Variants in WWP1 observed in about 807,000 individuals in gnomAD.
WWP1 encodes the protein NEDD4-like E3 ubiquitin-protein ligase WWP1.
A neutral mutation model predicts 130.6 loss-of-function variants in WWP1; 49 were observed. The observed-to-expected ratio is 0.38, with a 90% CI of 0.30 to 0.48. The LOEUF (loss-of-function observed/expected upper bound fraction) is 0.48, where lower values mean the gene tolerates loss of function less well. WWP1 is among the 20% of genes least tolerant of loss of function. The pLI, the probability that WWP1 is intolerant of heterozygous loss-of-function variation, is 0.99. For missense variants in WWP1, 809 were observed against 1,100.6 expected, an observed-to-expected ratio of 0.74 and a Z score of 3.75; for synonymous variants, 332 against 367.8, an observed-to-expected ratio of 0.90 and a Z score of 1.11.
chr8:86,419,367 G>A (rs1178149561), intron 9 of WWP1, among the ~76,000 whole-genome samples: 6 of 152,194 alleles, frequency 3.9e-5, no homozygotes, highest in Non-Finnish European at 8.8e-5. Context: ...GCAGTGAGCT[G>A]AGATCACACC....
At chr8:86,418,637 T>G (rs1024858014) in intron 9 of WWP1, among the ~76,000 whole-genome samples, 1 of 152,176 alleles carries the variant, frequency 6.6e-6, no homozygotes, top group African/African-American at 2.4e-5. Flanking sequence ...GACTGAATGT[T>G]TGAGAAACCC....
intron 3 of WWP1, 122 bp downstream of exon 3, chr8:86,374,242 G>A: frequency 1.4e-6 from 1 of 730,604 alleles, no homozygotes; most frequent in Non-Finnish European, 2.2e-6. Context: ...CATATTTGTT[G>A]CAACAAGCCT....
intron 20 of WWP1, among the ~76,000 whole-genome samples, chr8:86,451,194 C>G (rs966123354): frequency 8.6e-6 from 1 of 116,032 alleles, no homozygotes; most frequent in Admixed American, 1.2e-4. Flanking sequence ...ACCAGGCAAC[C>G]GAGTGAGACC....
chr8:86,386,605 G>A (rs1204623340), intron 5 of WWP1, among the ~76,000 whole-genome samples: 5 of 151,828 alleles, frequency 3.3e-5, no homozygotes, highest in African/African-American at 7.3e-5. Context: ...CAACATAAAT[G>A]TACTGAAACT....
chr8:86,408,257 A>G (rs1242259476), intron 8 of WWP1, among the ~76,000 whole-genome samples: 1 of 152,126 alleles, frequency 6.6e-6, no homozygotes, highest in African/African-American at 2.4e-5. Flanking sequence ...ATACTCACTT[A>G]TTATAAAGGC....
At chr8:86,378,659 C>T (rs1398188374) in intron 3 of WWP1, among the ~76,000 whole-genome samples, 3 of 152,098 alleles carry the variant, frequency 2.0e-5, no homozygotes, top group Admixed American at 1.3e-4. Flanking sequence ...TTTATATGTA[C>T]ATTTTGCTAG....
At chr8:86,424,030 C>T (rs1429408843) in intron 9 of WWP1, among the ~76,000 whole-genome samples, 321 of 131,854 alleles carry the variant, frequency 2.4e-3, no homozygotes, top group African/African-American at 8.3e-3. Context: ...CGGGCGGAGA[C>T]GCTCCTCACT....
intron 1 of WWP1, among the ~76,000 whole-genome samples, chr8:86,355,487 T>C (rs55807259): frequency 0.32 from 47,931 of 152,128 alleles, 9,162 homozygotes; most frequent in Middle Eastern, 0.45. Flanking sequence ...TAAGCAAATA[T>C]ACTATTAAAA....
chr8:86,390,639 C>T (rs192754002), intron 5 of WWP1, among the ~76,000 whole-genome samples: 1,900 of 149,894 alleles, frequency 0.013, 48 homozygotes, highest in Non-Finnish European at 0.014. Context: ...ACCGAGATGG[C>T]GGCAGCACAG....
At chr8:86,396,966 G>C (rs1215279347) in intron 5 of WWP1, among the ~76,000 whole-genome samples, 1 of 152,106 alleles carries the variant, frequency 6.6e-6, no homozygotes, top group Non-Finnish European at 1.5e-5. Flanking sequence ...AAGCTCAAGT[G>C]ATCCTCCTGT....
intron 20 of WWP1, 88 bp downstream of exon 20, chr8:86,448,601 A>T: frequency 3.8e-6 from 5 of 1,320,216 alleles, no homozygotes; most frequent in Non-Finnish European, 5.1e-6. Flanking sequence ...TCCCCTTTTC[A>T]TGCCTTTGGG....
chr8:86,387,483 G>A (rs1230203020), intron 5 of WWP1, among the ~76,000 whole-genome samples: 1 of 151,344 alleles, frequency 6.6e-6, no homozygotes, highest in African/African-American at 2.4e-5. Context: ...ATTCATATAT[G>A]TATATTTATT....
At chr8:86,372,093 G>A (rs372806994) in intron 2 of WWP1, among the ~76,000 whole-genome samples, 18 of 134,990 alleles carry the variant, frequency 1.3e-4, no homozygotes, top group African/African-American at 3.5e-4. Flanking sequence ...GCGCGATCTC[G>A]ACTCACTGCA....
At chr8:86,419,535 C>G (rs774419798) in intron 9 of WWP1, among the ~76,000 whole-genome samples, 1 of 152,166 alleles carries the variant, frequency 6.6e-6, no homozygotes, top group Non-Finnish European at 1.5e-5. Flanking sequence ...CTAAAAAACT[C>G]TTGGAAATTT....
At chr8:86,398,302 T>C in intron 5 of WWP1, 40 bp from the exon 6 acceptor site, 3 of 1,538,346 alleles carry the variant, frequency 2.0e-6, no homozygotes, top group South Asian at 1.3e-5. Flanking sequence ...CATTTTTATA[T>C]GTGGCAAAAG....
intron 1 of WWP1, among the ~76,000 whole-genome samples, chr8:86,366,203 A>T (rs770716764): frequency 4.6e-5 from 7 of 152,198 alleles, no homozygotes; most frequent in Non-Finnish European, 1.0e-4. Flanking sequence ...TTGTGGGAAG[A>T]ATAGGACCCA....
intron 5 of WWP1, among the ~76,000 whole-genome samples, chr8:86,389,047 C>G (rs932200184): frequency 2.0e-5 from 3 of 152,086 alleles, no homozygotes; most frequent in African/African-American, 7.2e-5. Context: ...GTTAGAAACC[C>G]TTAAAATTGT....
intron 5 of WWP1, among the ~76,000 whole-genome samples, chr8:86,385,256 T>C (rs1162674674): frequency 1.3e-5 from 2 of 152,184 alleles, no homozygotes; most frequent in African/African-American, 4.8e-5. Context: ...TATTTGTGTA[T>C]AAGGCTCCAG....
intron 14 of WWP1, among the ~76,000 whole-genome samples, chr8:86,434,884 C>A (rs1051100671): frequency 6.6e-6 from 1 of 152,180 alleles, no homozygotes; most frequent in Non-Finnish European, 1.5e-5. Context: ...GGCCCTCAAT[C>A]AATAGGCAAG....
Sources: gnomAD v4.1 joint callset for allele counts (sites outside exome capture counted in the v4.1 genomes callset) on GRCh38, gnomAD v4.1.1 for gene constraint, MANE v1.5 for transcripts, NCBI Gene and HGNC (gene_info 2026-07-23, HGNC 2026-07-21) for gene names.